EEFSEC: variants seen among roughly 807,000 people sequenced by gnomAD.
The protein encoded by EEFSEC is eukaryotic elongation factor, selenocysteine-tRNA specific, also known as selenocysteine-specific elongation factor.
In EEFSEC, 43 loss-of-function variants were observed where a neutral mutation model predicts 42.1. The observed-to-expected ratio is 1.02, with a 90% confidence interval of 0.80 to 1.32. EEFSEC has a LOEUF of 1.32. EEFSEC is among the 40% of genes most tolerant of loss of function. The probability of loss-of-function intolerance (pLI) is 0.00; values close to 1 mark genes in which losing one functional copy is unlikely to be tolerated. For synonymous variants in EEFSEC, 354 were observed against 339.1 expected (o/e 1.04, Z -0.48); for missense variants, 745 against 803.6 (o/e 0.93, Z 0.88).
intron 2 of EEFSEC, among the ~76,000 whole-genome samples, chr3:128,255,315 G>T (rs569461440): frequency 6.6e-6 from 1 of 152,332 alleles, no homozygotes; most frequent in East Asian, 1.9e-4. Context: ...GGGGTTGTCA[G>T]GGAGGAGGGA....
chr3:128,208,563 T>A (rs2065724404), intron 1 of EEFSEC, among the ~76,000 whole-genome samples: 1 of 152,174 alleles, frequency 6.6e-6, no homozygotes, highest in Non-Finnish European at 1.5e-5. Context: ...CCTTGAAAAT[T>A]CCTTGGGAAG....
intron 1 of EEFSEC, among the ~76,000 whole-genome samples, chr3:128,202,385 G>A (rs1447209275): frequency 6.6e-6 from 1 of 152,102 alleles, no homozygotes; most frequent in Non-Finnish European, 1.5e-5. Flanking sequence ...TTGTACATAT[G>A]TTGTTAAATT....
chr3:128,409,219 T>G (rs2068156896), downstream of EEFSEC, among the ~76,000 whole-genome samples: 1 of 152,254 alleles, frequency 6.6e-6, no homozygotes, highest in Non-Finnish European at 1.5e-5. Context: ...CAAACGTTCC[T>G]TTATTTGGTC....
chr3:128,287,392 G>A, intron 4 of EEFSEC, among the ~76,000 whole-genome samples: 1 of 152,182 alleles, frequency 6.6e-6, no homozygotes, highest in East Asian at 1.9e-4. Flanking sequence ...ATGACAAACT[G>A]TACTAAATGG....
chr3:128,375,615 C>T (rs1231957624), intron 6 of EEFSEC, among the ~76,000 whole-genome samples: 1 of 152,198 alleles, frequency 6.6e-6, no homozygotes, highest in Admixed American at 6.5e-5. Context: ...GTGCTCTGGC[C>T]TCAGCTCAGA....
intron 1 of EEFSEC, among the ~76,000 whole-genome samples, chr3:128,162,745 TAAATC>T (rs57345066): frequency 0.011 from 1,609 of 152,296 alleles, 24 homozygotes; most frequent in African/African-American, 0.036. Context: ...TATCAAAAGT[TAAATC>T]AAAGAATATT....
intron 6 of EEFSEC, among the ~76,000 whole-genome samples, chr3:128,367,402 G>A (rs1339290940): frequency 1.3e-5 from 2 of 152,228 alleles, no homozygotes; most frequent in Non-Finnish European, 2.9e-5. Flanking sequence ...GGCTTCCTTC[G>A]GAAGTGGCAT....
At chr3:128,205,878 T>C (rs368039432) in intron 1 of EEFSEC, among the ~76,000 whole-genome samples, 1 of 152,222 alleles carries the variant, frequency 6.6e-6, no homozygotes, top group Admixed American at 6.5e-5. Context: ...ATTACAATTA[T>C]ATGCCTTTAA....
chr3:128,191,770 G>A (rs1054393849), intron 1 of EEFSEC, among the ~76,000 whole-genome samples: 2 of 152,158 alleles, frequency 1.3e-5, no homozygotes, highest in African/African-American at 4.8e-5. Flanking sequence ...CATCCACGTT[G>A]TATCATGGAT....
intron 6 of EEFSEC, among the ~76,000 whole-genome samples, chr3:128,378,256 T>G (rs1425044434): frequency 6.6e-6 from 1 of 152,168 alleles, no homozygotes; most frequent in African/African-American, 2.4e-5. Context: ...ACTGGCCCCA[T>G]GCTGAGTCAC....
intron 4 of EEFSEC, among the ~76,000 whole-genome samples, chr3:128,311,473 C>T (rs768369123): frequency 4.6e-5 from 7 of 152,240 alleles, no homozygotes; most frequent in Non-Finnish European, 8.8e-5. Context: ...TAGCCCTCTA[C>T]GTCCCACTAA....
chr3:128,423,085 T>C, the EEFSEC span, among the ~76,000 whole-genome samples: 2 of 152,192 alleles, frequency 1.3e-5, no homozygotes, highest in Non-Finnish European at 2.9e-5. Context: ...GAAATTAATA[T>C]TAGGACCACC....
intron 6 of EEFSEC, among the ~76,000 whole-genome samples, chr3:128,401,311 T>A (rs765879409): frequency 7.9e-5 from 12 of 152,152 alleles, no homozygotes; most frequent in Non-Finnish European, 1.5e-4. Flanking sequence ...CTGCTGTGAG[T>A]GCTTGTGAGG....
At chr3:128,161,631 T>G (rs2065188684) in intron 1 of EEFSEC, among the ~76,000 whole-genome samples, 1 of 152,240 alleles carries the variant, frequency 6.6e-6, no homozygotes, top group Admixed American at 6.5e-5. Flanking sequence ...TTTTTGTCTC[T>G]GCAGCCTGGA....
intron 6 of EEFSEC, among the ~76,000 whole-genome samples, chr3:128,361,734 A>G (rs1477289809): frequency 6.6e-6 from 1 of 152,188 alleles, no homozygotes; most frequent in East Asian, 1.9e-4. Flanking sequence ...AAAGCCCCGT[A>G]TTTACAAAAC....
At chr3:128,260,702 G>A (rs1417771283) in intron 2 of EEFSEC, among the ~76,000 whole-genome samples, 2 of 152,206 alleles carry the variant, frequency 1.3e-5, no homozygotes, top group East Asian at 1.9e-4. Context: ...CAGCTGCAGA[G>A]TTAGCATAGG....
At chr3:128,180,364 C>G (rs189672299) in intron 1 of EEFSEC, among the ~76,000 whole-genome samples, 1 of 152,158 alleles carries the variant, frequency 6.6e-6, no homozygotes, top group Non-Finnish European at 1.5e-5. Flanking sequence ...TTGACAACAC[C>G]GTTTTTCTTC....
chr3:128,409,619 G>A (rs1483378207), downstream of EEFSEC, among the ~76,000 whole-genome samples: 2 of 152,252 alleles, frequency 1.3e-5, no homozygotes, highest in African/African-American at 2.4e-5. Flanking sequence ...CTGGAGGAAC[G>A]TGAGAGAGAG....
chr3:128,394,196 A>G (rs903404522), intron 6 of EEFSEC, among the ~76,000 whole-genome samples: 2 of 152,212 alleles, frequency 1.3e-5, no homozygotes, highest in Non-Finnish European at 2.9e-5. Flanking sequence ...CAGCCCCTGC[A>G]GGTCAGGGAG....
Sources: allele counts gnomAD v4.1 joint callset (sites outside exome capture counted in the v4.1 genomes callset), GRCh38; gene constraint gnomAD v4.1.1; transcripts MANE v1.5; gene names NCBI Gene and HGNC (gene_info 2026-07-23, HGNC 2026-07-21).